HOXB6: variants seen among roughly 807,000 people sequenced by gnomAD.
The protein encoded by HOXB6 is homeobox B6, also known as homeobox protein Hox-B6.
Under a neutral mutation model 24.2 loss-of-function variants are expected in HOXB6, and 18 were observed. The ratio of observed to expected loss-of-function variants is 0.74; its 90% CI spans 0.51 to 1.10. The LOEUF is 1.10. HOXB6 is among the 50% of genes least tolerant of loss of function. The pLI is 0.00. For missense variants in HOXB6, 332 were observed against 308.3 expected (o/e 1.08, Z -0.58); for synonymous variants, 159 against 139.1 (o/e 1.14, Z -1.01).
rs201059637 is a variant in HOXB6 at position 48,597,828 on chromosome 17, C to T, written c.323G>A (p.Cys108Tyr). The T allele has an allele frequency of 3.0e-5, 48 of 1,604,754 alleles. No homozygotes were observed. Among genetic ancestry groups the T allele is most frequent in the Non-Finnish European group, 4.1e-5 (48 of 1,175,116 alleles). The part of the protein sequence containing the change: ...PFHPEPRKSD[C>Y]AQDKSVFGET... ...GCCGAACACGCTCTTGTCCTGCGCGCAGTCCGACTTCCGCGGCTCGGGGTG... is the reference window on the plus strand; with the variant it reads ...GCCGAACACGCTCTTGTCCTGCGCGTAGTCCGACTTCCGCGGCTCGGGGTG... Residue 108 changes from cysteine to tyrosine, a missense_variant, in exon 3 of 4, where the codon TGC (cysteine) becomes TAC (tyrosine). Physicochemically the swap from Cys to Tyr is radical, Grantham distance 194 (BLOSUM62 -2). Coordinates refer to ENST00000225648, the MANE Select transcript of HOXB6 (RefSeq NM_018952.5).
At chr17:48,597,688 T>C (rs1236697434) in intron 3 of HOXB6, 48 bp downstream of exon 3, 1 of 1,582,762 alleles carries the variant, frequency 6.3e-7, no homozygotes, top group African/African-American at 1.3e-5. Context: ...TGTCCCGGGG[T>C]GGGCGCCCAG....
intron 2 of HOXB6, among the ~76,000 whole-genome samples, chr17:48,601,004 G>GTC (rs1264766245): frequency 5.3e-5 from 8 of 151,230 alleles, no homozygotes; most frequent in Non-Finnish European, 1.0e-4. Context: ...GTGTGTGTGT[G>GTC]TGTGTGTGTG....
intron 2 of HOXB6, chr17:48,601,773 C>T (rs1309660338): frequency 3.1e-5 from 7 of 224,068 alleles, no homozygotes; most frequent in Non-Finnish European, 5.4e-5. Flanking sequence ...TGCCTGGCAC[C>T]GCAGGCAATT....
rs774864512 is a variant in HOXB6 at position 48,604,625 on chromosome 17, G to A, written c.-214-10C>T. 2 of 152,574 alleles carry A rather than the reference G, an allele frequency of 1.3e-5. No individual in the cohort carries two copies. Among genetic ancestry groups the A allele is most frequent in the Admixed American group, 6.5e-5 (1 of 15,282 alleles). The allele number at this position is 152,574 out of a possible 1,614,324, so 9.5% of individuals were successfully genotyped here. A position where few individuals can be genotyped will look rare whatever the true frequency, so the allele number is the denominator to read the frequency against. On this transcript the variant is annotated splice_polypyrimidine_tract_variant and intron_variant, in intron 1 of 3. Coordinates refer to ENST00000225648, the MANE Select transcript of HOXB6 (RefSeq NM_018952.5). ...GCTTCCCCTTCTCTGACTTGGGAGA[G>A]AGGGTGTTTCATTTTTCTGACATTT...
intron 2 of HOXB6, among the ~76,000 whole-genome samples, chr17:48,599,700 G>C (rs1197350769): frequency 6.6e-6 from 1 of 152,170 alleles, no homozygotes; most frequent in Admixed American, 6.5e-5. Flanking sequence ...TGGGAGACAG[G>C]GCCACAGTGC....
At position 48,596,737 on chromosome 17, in the gene HOXB6, G is replaced by T; in HGVS notation, c.416-65C>A. 1 of 1,597,220 alleles carries T rather than the reference G, an allele frequency of 6.3e-7. No homozygotes were observed. The highest frequency in any genetic ancestry group is 8.5e-7 in the Non-Finnish European group (1 of 1,177,274). On this transcript the variant is annotated intron_variant, in intron 3 of 3. Transcript: ENST00000225648. This position sits in a 1 kb window ranked among gnomAD's most constrained non-coding sequence, Gnocchi z 4.8. ...GGGCCCAGGACCCCCTCCCCTAGTC[G>T]ACCCTCGAACACAGACTCCAGCCAG...
chr17:48,600,486 G>A (rs1002035371), intron 2 of HOXB6: 16 of 455,976 alleles, frequency 3.5e-5, no homozygotes, highest in African/African-American at 3.2e-4. Flanking sequence ...GGCGGGCCTG[G>A]GCGCCTGGAG....
chr17:48,599,327 T>G (rs1258098584), intron 2 of HOXB6, among the ~76,000 whole-genome samples: 2 of 152,250 alleles, frequency 1.3e-5, no homozygotes, highest in African/African-American at 4.8e-5. Flanking sequence ...AGTTGTGGGC[T>G]TTGAACCCTC....
In HOXB6 at chr17:48,596,274, G is replaced by C; in HGVS notation, c.*139C>G. On this transcript the variant is annotated 3_prime_UTR_variant, in exon 4 of 4. Transcript: ENST00000225648. This position sits in a 1 kb window ranked among gnomAD's most constrained non-coding sequence, Gnocchi z 4.8. ...TGTGCGGGCGGGGGCGTCCAGGAGA[G>C]CGCTGGGCCCCGCCTGTCTGCGCCG... 1.5e-6 allele frequency: 2 copies of C among 1,361,732 alleles called. No individual in the cohort carries two copies. Among genetic ancestry groups the C allele is most frequent in the Non-Finnish European group, 2.1e-6 (2 of 960,566 alleles). The allele number at this position is 1,361,732 out of a possible 1,614,324, so 84.4% of individuals were successfully genotyped here. A position where few individuals can be genotyped will look rare whatever the true frequency, so the allele number is the denominator to read the frequency against.
In HOXB6 at chr17:48,597,962, G is replaced by T; in HGVS notation, c.189C>A (p.Gly63=). 1.9e-6 allele frequency: 3 copies of T among 1,576,342 alleles called. No individual in the cohort carries two copies. Among genetic ancestry groups the T allele is most frequent in the Non-Finnish European group, 2.6e-6 (3 of 1,161,652 alleles). Reference sequence around the variant, plus strand: ...AGGGCGCCGCTCGGCCGTAGCCACCGCCCGCCGGCGGGTAATAGGAGGAAG... The same window carrying T: ...AGGGCGCCGCTCGGCCGTAGCCACCTCCCGCCGGCGGGTAATAGGAGGAAG... ...FATSSYYPPA[G]GGYGRAAPCD... is the part of the protein sequence containing the mutation. Residue 63 remains glycine, a synonymous_variant, in exon 3 of 4, where the codon GGC becomes GGA. Transcript: ENST00000225648.
intron 2 of HOXB6, among the ~76,000 whole-genome samples, chr17:48,599,627 G>A (rs2070408370): frequency 6.6e-6 from 1 of 152,150 alleles, no homozygotes; most frequent in African/African-American, 2.4e-5. Flanking sequence ...ACAAATTTAG[G>A]TGTGTCAGAG....
chr17:48,600,438 C>T (rs1183882832), intron 2 of HOXB6: 1 of 455,954 alleles, frequency 2.2e-6, no homozygotes, highest in Non-Finnish European at 4.4e-6. Flanking sequence ...ATTAACCTCA[C>T]CTCTGCAGGT....
chr17:48,597,274 C>G, intron 3 of HOXB6: 1 of 219,742 alleles, frequency 4.6e-6, no homozygotes. Context: ...TCCCCACCCA[C>G]AGGGAAACAC....
At position 48,595,784 on chromosome 17, in the gene HOXB6, G is replaced by GTTA. The variant is rs1555644180; in HGVS notation, c.*628_*629insTAA. 1.2e-3 allele frequency: 221 copies of GTTA among 183,158 alleles called. 1 individual carries two copies. The highest frequency in any genetic ancestry group is 5.6e-3 in the African/African-American group (195 of 34,962). 11.3% of individuals were successfully genotyped at this position (183,158 alleles called of 1,614,324 possible). On this transcript the variant is annotated 3_prime_UTR_variant, in exon 4 of 4. Transcript: ENST00000225648. ...TCACATCTTTATTATTGTTGTTGTT[G>GTTA]TTGTTATTATTATTATTATTATCAT...
Position 48,596,620 on chromosome 17 carries a change from G to A in HOXB6, c.468C>T (p.Tyr156=). ...ACTCCTTCTCCAGCTCCAGCGTCTG[G>A]TAACGTGTGTATGTCTGGCGGCCTC... ...GRRGRQTYTR[Y]QTLELEKEFH... Residue 156 remains tyrosine (Y), a synonymous_variant, in exon 4 of 4, where the codon TAC becomes TAT. Transcript: ENST00000225648. The surrounding 1 kb of genome is among the most constrained non-coding windows in gnomAD (Gnocchi z 4.8). 6.2e-7 allele frequency: 1 copy of A among 1,614,150 alleles called. No homozygotes were observed. The highest frequency in any genetic ancestry group is 8.5e-7 in the Non-Finnish European group (1 of 1,180,052).
rs1964724332 is a variant in HOXB6, at chr17:48,596,002, G to T, written c.*411C>A. The T allele has an allele frequency of 2.2e-6, 1 of 462,272 alleles. No individual in the cohort carries two copies. The highest frequency in any genetic ancestry group is 2.3e-5 in the Admixed American group (1 of 42,668). 28.6% of individuals were successfully genotyped at this position (462,272 alleles called of 1,614,324 possible). On this transcript the variant is annotated 3_prime_UTR_variant, in exon 4 of 4. Transcript: ENST00000225648. This position sits in a 1 kb window ranked among gnomAD's most constrained non-coding sequence, Gnocchi z 4.8. The stretch of plus-strand genomic sequence containing the variant: ...GAGAGACGACAGGTCTGGGATCAGG[G>T]AGTCTTCAAGGCCCCCGCTGAGGGG...
In HOXB6 at chr17:48,598,061, C is replaced by A. The variant is rs374252992; in HGVS notation, c.90G>T (p.Ser30=). ...AATGTCTCAGCGGGTCCGCATAGCC[C>A]GACGAATAGAGCGGTAGCTGGCCCA... ...SFLGQLPLYS[S]GYADPLRHYP... is the part of the protein sequence containing the mutation. Residue 30 remains serine, a synonymous_variant, in exon 3 of 4, where the codon TCG becomes TCT. Coordinates refer to ENST00000225648, the MANE Select transcript of HOXB6 (RefSeq NM_018952.5). 5.6e-6 allele frequency: 9 copies of A among 1,604,270 alleles called. No homozygotes were observed. The South Asian group carries it at 6.7e-5, about 12-fold the overall frequency.
intron 2 of HOXB6, chr17:48,602,283 C>A: frequency 2.2e-6 from 1 of 454,152 alleles, no homozygotes; most frequent in Middle Eastern, 3.3e-4. Context: ...GCCTGCCCTG[C>A]GGGTCCCCTC....
At position 48,597,752 on chromosome 17, in the gene HOXB6, C is replaced by G; in HGVS notation, c.399G>C (p.Arg133=). Reference sequence around the variant, plus strand: ...CTCACTCACTGTTGCACGAATTCATCCGCTGCATCCACGGGTAGACCGGAG... The same window carrying G: ...CTCACTCACTGTTGCACGAATTCATGCGCTGCATCCACGGGTAGACCGGAG... The part of the protein sequence containing the change: ...CSTPVYPWMQ[R]MNSCNSSSFG... The change falls in exon 3 of 4, where the codon CGG becomes CGC. Residue 133 remains arginine (R), a synonymous_variant. Transcript: ENST00000225648. 6.2e-7 allele frequency: 1 copy of G among 1,613,014 alleles called. No homozygotes were observed. The highest frequency in any genetic ancestry group is 8.5e-7 in the Non-Finnish European group (1 of 1,179,560).
Sources: allele counts gnomAD v4.1 joint callset (sites outside exome capture counted in the v4.1 genomes callset), GRCh38; gene constraint gnomAD v4.1.1; non-coding constraint Gnocchi (gnomAD v3.1); transcripts MANE v1.5; gene names NCBI Gene and HGNC (gene_info 2026-07-23, HGNC 2026-07-21).